The following DLG1 variants were observed in gnomAD, a reference collection of about 807,000 sequenced individuals.
The protein encoded by DLG1 is disks large homolog 1.
In DLG1, 42 loss-of-function variants were observed where a neutral mutation model predicts 123.4. The observed-to-expected ratio is 0.34, with a 90% CI of 0.27 to 0.44. The LOEUF is 0.44. DLG1 is among the 20% of genes least tolerant of loss of function. DLG1 has a pLI of 1.00. For synonymous variants in DLG1, 317 were observed against 356.2 expected, an observed-to-expected ratio of 0.89 and a Z score of 1.24; for missense variants, 942 against 1,082.6, an observed-to-expected ratio of 0.87 and a Z score of 1.82.
At chr3:197,260,349 C>A in intron 4 of DLG1, 1 of 380,266 alleles carries the variant, frequency 2.6e-6, no homozygotes, top group East Asian at 8.2e-5. Flanking sequence ...CCTAGTTGAA[C>A]AAAACATGTA....
intron 3 of DLG1, among the ~76,000 whole-genome samples, chr3:197,290,776 T>C (rs1000742755): frequency 2.0e-4 from 30 of 151,618 alleles, no homozygotes; most frequent in African/African-American, 6.8e-4. Context: ...CTCACACCTG[T>C]AGTCCCAGCT....
At chr3:197,185,183 G>A (rs939975480) in intron 5 of DLG1, among the ~76,000 whole-genome samples, 3 of 152,208 alleles carry the variant, frequency 2.0e-5, no homozygotes, top group Middle Eastern at 3.2e-3. Flanking sequence ...CATATCGTAA[G>A]TCCCAACCTC....
chr3:197,127,453 AAAAAATAT>A (rs1780056942), intron 11 of DLG1, among the ~76,000 whole-genome samples: 1 of 16,820 alleles, frequency 5.9e-5, no homozygotes, highest in Non-Finnish European at 1.1e-4. Context: ...AAAAAAAAAA[AAAAAATAT>A]ATATATATAT....
rs1209603604 is a variant in DLG1 at position 197,069,362 on chromosome 3, A to G, written c.2006-102T>C. On this transcript the variant is annotated intron_variant, in intron 18 of 24. Transcript: ENST00000667157. ...AGATATAAGCCATATATAACAAAAT[A>G]ATTTTTTAAAAGCATTTTCTTTTTC... The G allele has an allele frequency of 1.4e-5, 9 of 664,472 alleles. No homozygotes were observed. In the Admixed American group the frequency reaches 3.1e-4, roughly 23 times the overall value. The allele number at this position is 664,472 out of a possible 1,614,324, so 41.2% of individuals were successfully genotyped here. A position where few individuals can be genotyped will look rare whatever the true frequency, so the allele number is the denominator to read the frequency against.
intron 11 of DLG1, among the ~76,000 whole-genome samples, chr3:197,120,240 A>G (rs1775562529): frequency 6.9e-6 from 1 of 145,470 alleles, no homozygotes; most frequent in Admixed American, 6.9e-5. Flanking sequence ...CAGCCTACGT[A>G]GGTGACAGAG....
chr3:197,150,256 A>G (rs1262491220), intron 5 of DLG1, among the ~76,000 whole-genome samples: 3 of 152,176 alleles, frequency 2.0e-5, no homozygotes, highest in African/African-American at 7.2e-5. Flanking sequence ...AAAGAAATCA[A>G]TTGTAAACTT....
chr3:197,236,377 T>A (rs764212191), intron 4 of DLG1, among the ~76,000 whole-genome samples: 7 of 152,046 alleles, frequency 4.6e-5, no homozygotes, highest in Non-Finnish European at 7.4e-5. Flanking sequence ...AGAGAATTCA[T>A]CACCAGAAGA....
At chr3:197,193,739 C>T (rs1720904333) in intron 5 of DLG1, among the ~76,000 whole-genome samples, 2 of 151,680 alleles carry the variant, frequency 1.3e-5, no homozygotes, top group South Asian at 2.1e-4. Context: ...GGTAAATATA[C>T]TCAGGATTAT....
chr3:197,159,942 G>A (rs750662161), intron 5 of DLG1, among the ~76,000 whole-genome samples: 5 of 152,128 alleles, frequency 3.3e-5, no homozygotes, highest in South Asian at 2.1e-4. Flanking sequence ...AAATATGGGC[G>A]GCTAAGATTA....
intron 16 of DLG1, 117 bp from the exon 17 acceptor site, chr3:197,081,234 A>T: frequency 3.4e-6 from 3 of 889,984 alleles, no homozygotes; most frequent in Non-Finnish European, 3.3e-6. Context: ...AACCTTTAAG[A>T]GTCATCTAGG....
chr3:197,272,844 T>C (rs1764496139), intron 4 of DLG1, among the ~76,000 whole-genome samples: 1 of 152,196 alleles, frequency 6.6e-6, no homozygotes, highest in African/African-American at 2.4e-5. Flanking sequence ...GGATAGGTAG[T>C]AAATAGGGAG....
At chr3:197,169,668 C>G (rs1415785029) in intron 5 of DLG1, among the ~76,000 whole-genome samples, 1 of 152,160 alleles carries the variant, frequency 6.6e-6, no homozygotes, top group Non-Finnish European at 1.5e-5. Context: ...TATCTGATAG[C>G]TAATAATGCT....
At chr3:197,137,918 G>C (rs1785894204) in intron 9 of DLG1, among the ~76,000 whole-genome samples, 2 of 151,458 alleles carry the variant, frequency 1.3e-5, no homozygotes, top group African/African-American at 2.4e-5. Flanking sequence ...GCTGCAGTAA[G>C]CCATGACTGC....
chr3:197,149,903 C>A, intron 5 of DLG1, 107 bp from the exon 6 acceptor site: 1 of 661,396 alleles, frequency 1.5e-6, no homozygotes, highest in South Asian at 1.8e-5. Context: ...AAGTTATAAT[C>A]TTATATGAGC....
chr3:197,273,229 TA>T (rs1764734397), intron 4 of DLG1, among the ~76,000 whole-genome samples: 1 of 150,864 alleles, frequency 6.6e-6, no homozygotes, highest in African/African-American at 2.4e-5. Context: ...TGTATATATA[TA>T]TATTTTTTTC....
intron 13 of DLG1, among the ~76,000 whole-genome samples, chr3:197,113,625 CTTTATA>C: frequency 6.6e-6 from 1 of 152,012 alleles, no homozygotes; most frequent in Admixed American, 6.6e-5. Flanking sequence ...ACCCATGAAC[CTTTATA>C]TTTAAAGTAA....
chr3:197,254,798 T>A (rs1161137531), intron 4 of DLG1, among the ~76,000 whole-genome samples: 1 of 152,154 alleles, frequency 6.6e-6, no homozygotes, highest in Non-Finnish European at 1.5e-5. Flanking sequence ...ATGCCTGTAA[T>A]CCCAGCACCT....
At chr3:197,246,769 C>T (rs1352212097) in intron 4 of DLG1, among the ~76,000 whole-genome samples, 1 of 152,162 alleles carries the variant, frequency 6.6e-6, no homozygotes, top group African/African-American at 2.4e-5. Flanking sequence ...AGCTGCTCAA[C>T]CTAGTGGATT....
chr3:197,284,723 T>A (rs1770985132), intron 3 of DLG1, among the ~76,000 whole-genome samples: 1 of 152,078 alleles, frequency 6.6e-6, no homozygotes, highest in East Asian at 1.9e-4. Flanking sequence ...AACAAGAAAA[T>A]GCAGAAATAC....
Sources: allele counts gnomAD v4.1 joint callset (sites outside exome capture counted in the v4.1 genomes callset), GRCh38; gene constraint gnomAD v4.1.1; transcripts MANE v1.5; gene names NCBI Gene and HGNC (gene_info 2026-07-23, HGNC 2026-07-21).